HECW2: variants seen among roughly 807,000 people sequenced by gnomAD.
HECW2 encodes the protein E3 ubiquitin-protein ligase HECW2.
In HECW2, 61 loss-of-function variants were observed where a neutral mutation model predicts 175.2. That is an observed-to-expected ratio of 0.35 (90% CI 0.28 to 0.43). The LOEUF (loss-of-function observed/expected upper bound fraction) is 0.43, where lower values mean the gene tolerates loss of function less well. Ranked by LOEUF, HECW2 falls within the 20% of genes least tolerant of loss-of-function variation. The pLI is 1.00. For synonymous variants in HECW2, 671 were observed against 731.0 expected (o/e 0.92, Z 1.32); for missense variants, 1,524 against 2,000.5 (o/e 0.76, Z 4.54).
At chr2:196,510,646 T>A (rs1306205655) in intron 1 of HECW2, among the ~76,000 whole-genome samples, 1 of 152,212 alleles carries the variant, frequency 6.6e-6, no homozygotes, top group African/African-American at 2.4e-5. Flanking sequence ...ACTGATTTTT[T>A]TAAGGTAGGG....
intron 1 of HECW2, among the ~76,000 whole-genome samples, chr2:196,519,544 G>GA (rs1688272137): frequency 6.6e-6 from 1 of 151,912 alleles, no homozygotes; most frequent in Non-Finnish European, 1.5e-5. Context: ...CTTTATACCA[G>GA]AAAAAAAATT....
rs1206012362 is a variant in HECW2, at chr2:196,198,858, T to A, written c.*2419A>T. On this transcript the variant is annotated 3_prime_UTR_variant, in exon 29 of 29. Coordinates refer to ENST00000644978, the MANE Select transcript of HECW2 (RefSeq NM_001348768.2). ...AAGTTAGCATGGTGTTCTGATATGA[T>A]AAGTACATCTTTGATAATTCCCAAT... 1 of 152,222 alleles carries A rather than the reference T, an allele frequency of 6.6e-6. No homozygotes were observed. Among genetic ancestry groups the A allele is most frequent in the Admixed American group, 6.5e-5 (1 of 15,288 alleles). 9.4% of individuals were successfully genotyped at this position (152,222 alleles called of 1,614,324 possible).
chr2:196,335,163 A>G (rs1185952337), intron 3 of HECW2, among the ~76,000 whole-genome samples: 3 of 152,246 alleles, frequency 2.0e-5, no homozygotes, highest in Non-Finnish European at 4.4e-5. Flanking sequence ...GATCAAATCT[A>G]CAAACAACTG....
chr2:196,309,869 CT>C (rs1691420051), intron 10 of HECW2, among the ~76,000 whole-genome samples: 1 of 152,170 alleles, frequency 6.6e-6, no homozygotes. Context: ...TCTTAATTTT[CT>C]GGCAGTTATG....
intron 1 of HECW2, among the ~76,000 whole-genome samples, chr2:196,590,835 T>C (rs1041316766): frequency 3.3e-5 from 5 of 152,148 alleles, no homozygotes; most frequent in Non-Finnish European, 7.4e-5. Flanking sequence ...AGTAAGAAAA[T>C]ATAGGTTTTT....
intron 1 of HECW2, among the ~76,000 whole-genome samples, chr2:196,593,288 G>T (rs1319756262): frequency 6.6e-6 from 1 of 151,220 alleles, no homozygotes; most frequent in Non-Finnish European, 1.5e-5. Flanking sequence ...GAGGGCGCCG[G>T]GGGTCCTGCG....
At chr2:196,450,207 G>T (rs903332363) in intron 1 of HECW2, among the ~76,000 whole-genome samples, 18 of 152,156 alleles carry the variant, frequency 1.2e-4, no homozygotes, top group Admixed American at 9.8e-4. Context: ...TAATACAATG[G>T]ATATGTCCCA....
intron 1 of HECW2, among the ~76,000 whole-genome samples, chr2:196,530,098 T>C (rs1028307488): frequency 1.6e-4 from 24 of 152,240 alleles, no homozygotes; most frequent in Non-Finnish European, 3.5e-4. Context: ...ATAATTCTTA[T>C]TTACAAATGG....
rs1055731525 is a variant in HECW2, at chr2:196,587,839, A to G, written c.-36+5669T>C. Among the ~76,000 whole-genome samples the G allele has an allele frequency of 3.3e-5, 5 of 152,184 alleles. No individual in the cohort carries two copies. The East Asian group carries it at 9.6e-4, about 29-fold the overall frequency. On this transcript the variant is annotated intron_variant, in intron 1 of 28. Transcript: ENST00000644978. ...ATTAAATGGCCTATCTCAAGGCCCT[A>G]CAGGCTTTGCAACACCCACACCACC...
chr2:196,380,727 C>T (rs570463425), intron 2 of HECW2, among the ~76,000 whole-genome samples: 1 of 152,100 alleles, frequency 6.6e-6, no homozygotes, highest in Non-Finnish European at 1.5e-5. Flanking sequence ...CCGTTAGTGG[C>T]TCGTAAGGTG....
At chr2:196,301,534 C>T (rs1487019774) in intron 13 of HECW2, among the ~76,000 whole-genome samples, 4 of 152,046 alleles carry the variant, frequency 2.6e-5, no homozygotes, top group Admixed American at 2.6e-4. Context: ...ACTTCGCCAG[C>T]ATCTGTTGTG....
intron 1 of HECW2, among the ~76,000 whole-genome samples, chr2:196,479,829 C>CT (rs1686783439): frequency 1.3e-5 from 2 of 152,200 alleles, no homozygotes; most frequent in Non-Finnish European, 2.9e-5. Flanking sequence ...CTGTTACCAT[C>CT]CTCTTGCCTG....
At chr2:196,342,671 G>C (rs1467194068) in intron 3 of HECW2, among the ~76,000 whole-genome samples, 1 of 152,064 alleles carries the variant, frequency 6.6e-6, no homozygotes, top group East Asian at 1.9e-4. Context: ...AATTAATTAG[G>C]TAATAGTTGA....
chr2:196,264,328 C>A (rs1689426298), intron 17 of HECW2: 1 of 152,048 alleles, frequency 6.6e-6, no homozygotes, highest in Non-Finnish European at 1.5e-5. Flanking sequence ...TAATGAGTTA[C>A]TAAAGGAAAA....
At chr2:196,261,448 T>G (rs1689289362) in intron 17 of HECW2, among the ~76,000 whole-genome samples, 1 of 152,200 alleles carries the variant, frequency 6.6e-6, no homozygotes, top group African/African-American at 2.4e-5. Context: ...GTTACACTAT[T>G]AAATGAATTG....
chr2:196,256,990 T>C (rs1689080691), intron 18 of HECW2, among the ~76,000 whole-genome samples: 1 of 152,184 alleles, frequency 6.6e-6, no homozygotes, highest in Admixed American at 6.5e-5. Context: ...GAATGGAGAA[T>C]TAGAAATGGT....
At chr2:196,304,161 C>T (rs10048739) in intron 13 of HECW2, among the ~76,000 whole-genome samples, 3,930 of 152,230 alleles carry the variant, frequency 0.026, 177 homozygotes, top group African/African-American at 0.089. Context: ...CTGCACGCTT[C>T]CCTGACCATA....
chr2:196,535,323 G>A (rs1485655153), intron 1 of HECW2, among the ~76,000 whole-genome samples: 1 of 152,174 alleles, frequency 6.6e-6, no homozygotes, highest in Non-Finnish European at 1.5e-5. Context: ...TGCTAGTTTT[G>A]TTATTCTTAA....
chr2:196,475,462 G>A (rs896996135), intron 1 of HECW2, among the ~76,000 whole-genome samples: 7 of 152,004 alleles, frequency 4.6e-5, no homozygotes, highest in Non-Finnish European at 1.0e-4. Flanking sequence ...TCACATAACT[G>A]AAAAATTGAG....
Sources: gnomAD v4.1 joint callset for allele counts (sites outside exome capture counted in the v4.1 genomes callset) on GRCh38, gnomAD v4.1.1 for gene constraint, MANE v1.5 for transcripts, NCBI Gene and HGNC (gene_info 2026-07-23, HGNC 2026-07-21) for gene names.